Variants in DCLRE1C observed in about 807,000 individuals in gnomAD.
The protein encoded by DCLRE1C is DNA cross-link repair 1C, also known as protein artemis.
DCLRE1C carries 47 observed loss-of-function variants against 61.4 expected under a neutral mutation model. That is an observed-to-expected ratio of 0.77 (90% CI 0.61 to 0.98). The LOEUF (loss-of-function observed/expected upper bound fraction) is 0.98. DCLRE1C is among the 50% of genes least tolerant of loss of function. DCLRE1C has a pLI of 0.00. For missense variants in DCLRE1C, 858 were observed against 816.0 expected, an observed-to-expected ratio of 1.05 and a Z score of -0.63; for synonymous variants, 337 against 287.6, an observed-to-expected ratio of 1.17 and a Z score of -1.74.
At chr10:14,936,965 T>C (rs1589081697) in intron 4 of DCLRE1C, among the ~76,000 whole-genome samples, 1 of 152,340 alleles carries the variant, frequency 6.6e-6, no homozygotes, top group East Asian at 1.9e-4. Flanking sequence ...CAATGAAATA[T>C]TATTTGGCCA....
At chr10:14,920,709 C>T (rs1484423854) in intron 12 of DCLRE1C, among the ~76,000 whole-genome samples, 2 of 152,196 alleles carry the variant, frequency 1.3e-5, no homozygotes, top group Admixed American at 6.5e-5. Flanking sequence ...GGGCCGGGTG[C>T]GGTGGCTCAT....
chr10:14,944,799 C>T (rs1041046549), intron 3 of DCLRE1C, among the ~76,000 whole-genome samples: 1 of 150,462 alleles, frequency 6.6e-6, no homozygotes, highest in Non-Finnish European at 1.5e-5. Context: ...CTCAGCCTCA[C>T]AAGTAGCTGG....
Position 14,907,069 on chromosome 10 carries a change from C to G in DCLRE1C, c.*1339G>C, listed in dbSNP as rs41300700. Among the ~76,000 whole-genome samples, 1,428 of 152,018 alleles carry G rather than the reference C, an allele frequency of 9.4e-3. 22 individuals carry two copies. The highest frequency in any genetic ancestry group is 0.032 in the African/African-American group (1,314 of 41,432). On this transcript the variant is annotated 3_prime_UTR_variant, in exon 14 of 14. Transcript: ENST00000378278. The stretch of plus-strand genomic sequence containing the variant: ...GGAGACAGGGTCTCCCTGTGTGTTG[C>G]CCAGGCTGGACTCAAAACCCTGAGC...
intron 1 of DCLRE1C, among the ~76,000 whole-genome samples, chr10:14,950,674 G>A (rs992994517): frequency 9.9e-5 from 15 of 152,124 alleles, no homozygotes; most frequent in African/African-American, 2.9e-4. Context: ...AAGAGTTTGC[G>A]CCATGGCAAA....
chr10:14,910,767 T>G (rs979438324), intron 13 of DCLRE1C, among the ~76,000 whole-genome samples: 3 of 130,984 alleles, frequency 2.3e-5, no homozygotes, highest in Non-Finnish European at 4.5e-5. Flanking sequence ...TGCTTCCAGG[T>G]AAGATGGAGT....
chr10:14,936,162 G>T (rs922257270), intron 5 of DCLRE1C, among the ~76,000 whole-genome samples: 1 of 152,074 alleles, frequency 6.6e-6, no homozygotes, highest in African/African-American at 2.4e-5. Context: ...CCAAAGTGCC[G>T]GGATTACAGG....
intron 11 of DCLRE1C, among the ~76,000 whole-genome samples, chr10:14,924,010 C>T (rs922602116): frequency 2.0e-5 from 3 of 152,384 alleles, no homozygotes; most frequent in Admixed American, 6.5e-5. Context: ...CAGGAAGGAA[C>T]CCCCATCATG....
rs141923465 is a variant in DCLRE1C at position 14,943,173 on chromosome 10, T to C, written c.246+1932A>G. 4.2e-3 allele frequency among the ~76,000 whole-genome samples: 642 copies of C among 151,802 alleles called. 4 individuals are homozygous for C. The highest frequency in any genetic ancestry group is 0.012 in the African/African-American group (497 of 41,286). ...AGACTCTTTGTGACACTGGGACAAATTGCTCTGCCAACTCCCACAATGATT... is the reference window on the plus strand; with the variant it reads ...AGACTCTTTGTGACACTGGGACAAACTGCTCTGCCAACTCCCACAATGATT... On this transcript the variant is annotated intron_variant, in intron 3 of 13. Coordinates refer to ENST00000378278, the MANE Select transcript of DCLRE1C (RefSeq NM_001033855.3).
chr10:14,952,936 G>T (rs1402561497), intron 1 of DCLRE1C, among the ~76,000 whole-genome samples: 1 of 152,186 alleles, frequency 6.6e-6, no homozygotes, highest in Non-Finnish European at 1.5e-5. Flanking sequence ...ACCCTGTGAG[G>T]AAAGGCTGTG....
chr10:14,948,770 T>TATATATA lies in DCLRE1C; in HGVS notation c.161+265_161+266insTATATAT, dbSNP rs1554800030. Among the ~76,000 whole-genome samples the TATATATA allele has an allele frequency of 2.1e-3, 307 of 143,684 alleles. 5 individuals carry two copies. The highest frequency in any genetic ancestry group is 7.1e-3 in the African/African-American group (272 of 38,478). 94.3% of individuals were successfully genotyped at this position (143,684 alleles called of 152,430 possible). On this transcript the variant is annotated intron_variant, in intron 2 of 13. Coordinates refer to ENST00000378278, the MANE Select transcript of DCLRE1C (RefSeq NM_001033855.3). ...TTTTTAGAGAGTGTATTTGGTAGGA[T>TATATATA]TATATATATATATATATATATCAAG...
At chr10:14,943,530 C>T (rs374768808) in intron 3 of DCLRE1C, among the ~76,000 whole-genome samples, 42 of 152,174 alleles carry the variant, frequency 2.8e-4, no homozygotes, top group African/African-American at 9.6e-4. Flanking sequence ...CTCTTATAGA[C>T]TAATACTCAT....
intron 3 of DCLRE1C, among the ~76,000 whole-genome samples, chr10:14,943,337 C>A (rs1365942307): frequency 6.6e-6 from 1 of 152,096 alleles, no homozygotes; most frequent in Admixed American, 6.6e-5. Flanking sequence ...GTCCATATGA[C>A]CCATGGCTCC....
chr10:14,901,338 G>C (rs1833990590), downstream of DCLRE1C: 18 of 1,578,962 alleles, frequency 1.1e-5, no homozygotes, highest in Non-Finnish European at 1.5e-5. Flanking sequence ...ACAGACCTTA[G>C]ATATTTGAAC....
chr10:14,899,101 C>T (rs1833808293), exon 14 of DCLRE1C: 1 of 631,988 alleles, frequency 1.6e-6, no homozygotes, highest in Admixed American at 2.4e-5. Flanking sequence ...TGGAGGCTCA[C>T]TTGAGCCCAG....
At chr10:14,930,797 AAT>A (rs2130888111) in intron 9 of DCLRE1C, among the ~76,000 whole-genome samples, 1 of 152,304 alleles carries the variant, frequency 6.6e-6, no homozygotes, top group South Asian at 2.1e-4. Context: ...TGTATATGTG[AAT>A]ATATATGTGT....
intron 4 of DCLRE1C, among the ~76,000 whole-genome samples, chr10:14,938,978 G>A (rs1224159675): frequency 1.3e-5 from 2 of 152,144 alleles, no homozygotes; most frequent in African/African-American, 2.4e-5. Context: ...TTCCTATGTT[G>A]AAATCCTAAC....
chr10:14,924,962 A>C (rs1275242899), intron 11 of DCLRE1C, among the ~76,000 whole-genome samples: 4 of 152,114 alleles, frequency 2.6e-5, no homozygotes, highest in Non-Finnish European at 5.9e-5. Context: ...CTAGAACCCA[A>C]TGTAATTATT....
chr10:14,948,025 G>A (rs1209529248), intron 2 of DCLRE1C, among the ~76,000 whole-genome samples: 2 of 152,116 alleles, frequency 1.3e-5, no homozygotes, highest in Non-Finnish European at 2.9e-5. Flanking sequence ...ACTCCAGCCT[G>A]GGCGACAGAG....
Position 14,923,033 on chromosome 10 carries a change from CG to C in DCLRE1C, c.1008del (p.Asn336LysfsTer20). 1 of 1,614,012 alleles carries C rather than the reference CG, an allele frequency of 6.2e-7. No homozygotes were observed. The highest frequency in any genetic ancestry group is 8.5e-7 in the Non-Finnish European group (1 of 1,179,910). On this transcript the variant is annotated frameshift_variant, in exon 12 of 14. Coordinates refer to ENST00000378278, the MANE Select transcript of DCLRE1C (RefSeq NM_001033855.3). LOFTEE classifies it high-confidence loss of function. ...KDFLSYLCPV[N>X]AYPNVIPVGT... ...CCAACTGGAATGACATTTGGATATGCGTTCACAGGACAGAGGTAGCTCAAGA... is the reference window on the plus strand; with the variant it reads ...CCAACTGGAATGACATTTGGATATGCTTCACAGGACAGAGGTAGCTCAAGA...
Sources: gnomAD v4.1 joint callset for allele counts (sites outside exome capture counted in the v4.1 genomes callset) on GRCh38, gnomAD v4.1.1 for gene constraint, MANE v1.5 for transcripts, NCBI Gene and HGNC (gene_info 2026-07-23, HGNC 2026-07-21) for gene names.